Variants in CD99L2 observed in about 807,000 individuals in gnomAD.
CD99L2 encodes CD99 molecule like 2.
CD99L2 carries 24 observed loss-of-function variants against 27.3 expected under a neutral mutation model. The ratio of observed to expected loss-of-function variants is 0.88; its 90% CI spans 0.64 to 1.24. CD99L2 has a LOEUF of 1.24. Ranked by LOEUF, CD99L2 falls within the 50% of genes most tolerant of loss-of-function variation. The pLI is 0.00. For missense variants in CD99L2, 255 were observed against 221.6 expected (o/e 1.15, Z -0.96); for synonymous variants, 97 against 87.9 (o/e 1.10, Z -0.58).
At chrX:150,855,378 G>C (rs782679302) in intron 1 of CD99L2, among the ~76,000 whole-genome samples, 15 of 111,732 alleles carry the variant, frequency 1.3e-4, no homozygotes, top group Non-Finnish European at 2.4e-4. Context: ...CATAGGCTAT[G>C]CAGGAAGCAT....
intron 4 of CD99L2, among the ~76,000 whole-genome samples, chrX:150,813,763 C>T (rs2046108781): frequency 8.9e-6 from 1 of 112,146 alleles, no homozygotes; most frequent in African/African-American, 3.2e-5. Context: ...AGCCATTCCT[C>T]TCAAAGAAGA....
rs190030567 is a variant in CD99L2, at chrX:150,868,916, A to G, written c.67+29606T>C. Among the ~76,000 whole-genome samples, 4 of 112,420 alleles carry G rather than the reference A, an allele frequency of 3.6e-5. No individual in the cohort carries two copies. The East Asian group carries it at 1.1e-3, about 32-fold the overall frequency. ...AACTGAGTTACACACATGAGGATCA[A>G]TAAACAAAGATGACTATGATGCTGG... On this transcript the variant is annotated intron_variant, in intron 1 of 10. Coordinates refer to ENST00000370377, the MANE Select transcript of CD99L2 (RefSeq NM_031462.4).
chrX:150,819,417 A>G (rs1034621852), intron 2 of CD99L2, among the ~76,000 whole-genome samples: 1 of 111,950 alleles, frequency 8.9e-6, no homozygotes, highest in Middle Eastern at 4.6e-3. Flanking sequence ...TTGCAGAGTT[A>G]AGTTCATTAT....
At chrX:150,769,867 G>T (rs782669767) in intron 10 of CD99L2, among the ~76,000 whole-genome samples, 10 of 113,303 alleles carry the variant, frequency 8.8e-5, no homozygotes, top group South Asian at 3.6e-4. Context: ...ACAGAAGGGG[G>T]AGGGAGGGGC....
rs182636366 is a variant in CD99L2, at chrX:150,781,429, G to A, written c.497-3947C>T. On this transcript the variant is annotated intron_variant, in intron 7 of 10. Coordinates refer to ENST00000370377, the MANE Select transcript of CD99L2 (RefSeq NM_031462.4). ...GAAGTTTTAACTCTGCAAGCCCCAT[G>A]CAAATCTATCCACCCCTCTTTCCCA... Among the ~76,000 whole-genome samples, 6 of 111,794 alleles carry A rather than the reference G, an allele frequency of 5.4e-5. No homozygotes were observed. The East Asian group carries it at 1.7e-3, about 31-fold the overall frequency.
chrX:150,784,177 A>T (rs1398388454), intron 7 of CD99L2, among the ~76,000 whole-genome samples: 2 of 110,527 alleles, frequency 1.8e-5, no homozygotes, highest in African/African-American at 3.3e-5. Context: ...CCTTGCCCCC[A>T]TTTGGTTCCT....
At chrX:150,891,394 T>C (rs72612730) in intron 1 of CD99L2, among the ~76,000 whole-genome samples, 26,269 of 110,989 alleles carry the variant, frequency 0.24, 2,243 homozygotes, top group Middle Eastern at 0.37. Context: ...TGGTCCTTGG[T>C]TCCTGGCCCC....
chrX:150,769,044 G>T lies in CD99L2; in HGVS notation c.779C>A (p.Ala260Asp). The T allele has an allele frequency of 8.7e-7, 1 of 1,153,732 alleles. No individual in the cohort carries two copies. Residue 260 changes from alanine to aspartate, a missense_variant, in exon 11 of 11, where the codon GCC becomes GAC. Transcript: ENST00000370377. ...SAEPPPPPEPARI is the reference protein window; with the variant it reads ...SAEPPPPPEPDRI ...AGCTGGACAGGGCCCTCAGATCCGGGCTGGTTCGGGCGGCGGCGGCGGCTC... is the reference window on the plus strand; with the variant it reads ...AGCTGGACAGGGCCCTCAGATCCGGTCTGGTTCGGGCGGCGGCGGCGGCTC...
chrX:150,861,141 C>CAAAAAAAAAAAAAAAAAAAAA (rs782255590), intron 1 of CD99L2, among the ~76,000 whole-genome samples: 7 of 40,916 alleles, frequency 1.7e-4, no homozygotes, highest in Non-Finnish European at 1.9e-4. Flanking sequence ...GACTCTGTCT[C>CAAAAAAAAAAAAAAAAAAAAA]AAAAAAAAAA....
chrX:150,800,980 G>A (rs924999535), intron 4 of CD99L2, among the ~76,000 whole-genome samples: 3 of 108,580 alleles, frequency 2.8e-5, no homozygotes, highest in African/African-American at 6.7e-5. Context: ...ACAGTGAGCC[G>A]AGACCACGCC....
chrX:150,824,210 G>T (rs782074293), intron 2 of CD99L2, among the ~76,000 whole-genome samples: 1 of 73,173 alleles, frequency 1.4e-5, no homozygotes, highest in African/African-American at 5.3e-5. Context: ...GGAGGAGGAA[G>T]AGGAGGAGGA....
chrX:150,808,633 G>A (rs782796288), intron 4 of CD99L2, among the ~76,000 whole-genome samples: 4 of 112,438 alleles, frequency 3.6e-5, no homozygotes, highest in African/African-American at 6.5e-5. Flanking sequence ...TATAACTGCT[G>A]TGATCAGATT....
chrX:150,789,557 G>A (rs1557419660), intron 7 of CD99L2, among the ~76,000 whole-genome samples: 3 of 111,643 alleles, frequency 2.7e-5, no homozygotes, highest in Non-Finnish European at 3.8e-5. Flanking sequence ...AAAGTATTAT[G>A]TGTATGTCTA....
At chrX:150,812,329 A>G (rs1328590240) in intron 4 of CD99L2, among the ~76,000 whole-genome samples, 1 of 112,384 alleles carries the variant, frequency 8.9e-6, no homozygotes, top group African/African-American at 3.2e-5. Flanking sequence ...AAATGTCTAC[A>G]ATATTTAAGG....
intron 1 of CD99L2, among the ~76,000 whole-genome samples, chrX:150,864,764 G>A (rs781929756): frequency 5.3e-5 from 6 of 112,627 alleles, no homozygotes; most frequent in Non-Finnish European, 1.1e-4. Context: ...TATTTCACAA[G>A]GATATGTGCA....
intron 7 of CD99L2, among the ~76,000 whole-genome samples, chrX:150,781,222 T>C (rs973556568): frequency 8.9e-6 from 1 of 112,319 alleles, no homozygotes; most frequent in South Asian, 3.7e-4. Flanking sequence ...CAGTGTATTA[T>C]TGAATGAAAA....
At position 150,803,054 on chromosome X, in the gene CD99L2, C is replaced by T. The variant is rs140805680; in HGVS notation, c.278-7568G>A. Among the ~76,000 whole-genome samples the T allele has an allele frequency of 3.9e-3, 419 of 106,850 alleles. 1 individual carries two copies. The highest frequency in any genetic ancestry group is 0.014 in the African/African-American group (399 of 29,322). 92.8% of individuals were successfully genotyped at this position (106,850 alleles called of 115,157 possible). ...GGGATTACAGATGCGTGCCACTACA[C>T]CCCGCTAATTTTTGTATTTTTATTA... On this transcript the variant is annotated intron_variant, in intron 4 of 10. Transcript: ENST00000370377.
chrX:150,848,495 A>G (rs2046737357), intron 1 of CD99L2, among the ~76,000 whole-genome samples: 1 of 108,983 alleles, frequency 9.2e-6, no homozygotes, highest in Admixed American at 9.9e-5. Context: ...TAACACCACT[A>G]ACAATACACT....
chrX:150,854,991 T>C (rs1229151355), intron 1 of CD99L2, among the ~76,000 whole-genome samples: 1 of 109,883 alleles, frequency 9.1e-6, no homozygotes, highest in African/African-American at 3.3e-5. Flanking sequence ...AAAGAAGACA[T>C]CTGCCTCTCT....
Sources: gnomAD v4.1 joint callset for allele counts (sites outside exome capture counted in the v4.1 genomes callset) on GRCh38, gnomAD v4.1.1 for gene constraint, MANE v1.5 for transcripts, NCBI Gene and HGNC (gene_info 2026-07-23, HGNC 2026-07-21) for gene names.